The following NAF1 variants were observed in gnomAD, a reference collection of about 807,000 sequenced individuals.
The protein encoded by NAF1 is nuclear assembly factor 1 ribonucleoprotein, also known as H/ACA ribonucleoprotein complex non-core subunit NAF1.
A neutral mutation model predicts 40.6 loss-of-function variants in NAF1; 11 were observed. The ratio of observed to expected loss-of-function variants is 0.27; its 90% CI spans 0.17 to 0.45. The LOEUF (loss-of-function observed/expected upper bound fraction) is 0.45. Among genes scored for constraint, NAF1 ranks in the 20% least tolerant of loss-of-function variants. NAF1 has a pLI of 1.00. For missense variants in NAF1, 607 were observed against 611.1 expected (o/e 0.99, Z 0.07); for synonymous variants, 260 against 228.5 (o/e 1.14, Z -1.24).
rs1167198928 is a variant in NAF1 at position 163,129,324 on chromosome 4, T to C, written c.1058A>G (p.Gln353Arg). ...AGCAGAGCTATGAGCATTCCAATTC[T>C]GATGTACTTCAGTAAAATCTTCACC... ...EPGEDFTEVH[Q>R]NWNAHSSASE... is the part of the protein sequence containing the mutation. Residue 353 changes from glutamine (Q) to arginine (R), a missense_variant, in exon 8 of 8, where the codon CAG becomes CGG. By Grantham distance (43) the Gln-to-Arg change is conservative. Transcript: ENST00000274054. The C allele has an allele frequency of 6.2e-7, 1 of 1,611,296 alleles. No individual in the cohort carries two copies. The highest frequency in any genetic ancestry group is 8.5e-7 in the Non-Finnish European group (1 of 1,177,472).
At chr4:163,109,709 G>T (rs978363824), downstream of NAF1, among the ~76,000 whole-genome samples, 15 of 152,160 alleles carry the variant, frequency 9.9e-5, no homozygotes, top group Non-Finnish European at 2.1e-4. Context: ...AGGTCCCCAA[G>T]TGGCAAGGAG....
rs9784485 is a variant in NAF1, at chr4:163,134,500, G to A, written c.931-1244C>T. Among the ~76,000 whole-genome samples, 192 of 152,192 alleles carry A rather than the reference G, an allele frequency of 1.3e-3. 1 individual carries two copies. Among genetic ancestry groups the A allele is most frequent in the African/African-American group, 4.1e-3 (169 of 41,528 alleles). On this transcript the variant is annotated intron_variant, in intron 6 of 7. Transcript: ENST00000274054. ...AGATTTTAAAACTCAGGTTAAATCT[G>A]GTATCTGAAAGACACTAGAAAGTAT...
rs2111080851 is a variant in NAF1 at position 163,166,464 on chromosome 4, T to C, written c.264A>G (p.Glu88=). The part of the protein sequence containing the change: ...TPAPQPQPPA[E]SPACGDCVTS... ...TGACGCAGTCTCCGCAGGCCGGCGA[T>C]TCAGCCGGTGGCTGTGGCTGCGGCG... The change falls in exon 1 of 8, where the codon GAA becomes GAG. Residue 88 remains glutamate, a synonymous_variant. Coordinates refer to ENST00000274054, the MANE Select transcript of NAF1 (RefSeq NM_138386.3). 2.5e-6 allele frequency: 4 copies of C among 1,604,988 alleles called. No homozygotes were observed. Among genetic ancestry groups the C allele is most frequent in the Non-Finnish European group, 3.4e-6 (4 of 1,175,774 alleles).
downstream of NAF1, among the ~76,000 whole-genome samples, chr4:163,105,660 T>G (rs151251980): frequency 2.9e-3 from 435 of 152,314 alleles, 1 homozygote; most frequent in African/African-American, 0.01. Context: ...ATAAGCAAAA[T>G]TTCATCCCTA....
At chr4:163,151,414 T>C (rs1487947564) in intron 2 of NAF1, among the ~76,000 whole-genome samples, 2 of 152,032 alleles carry the variant, frequency 1.3e-5, no homozygotes, top group African/African-American at 4.8e-5. Context: ...AATTTTATTC[T>C]TGTATAAAAG....
downstream of NAF1, chr4:163,128,611 T>C (rs1036770467): frequency 8.7e-6 from 4 of 459,580 alleles, no homozygotes; most frequent in East Asian, 3.8e-4. Flanking sequence ...CATTACTATA[T>C]ATATATATAT....
intron 2 of NAF1, among the ~76,000 whole-genome samples, chr4:163,153,632 C>T (rs923134825): frequency 6.6e-6 from 1 of 152,152 alleles, no homozygotes; most frequent in Non-Finnish European, 1.5e-5. Flanking sequence ...TGTGTCAAAA[C>T]TCTGTATCTA....
At chr4:163,108,834 C>T (rs185500598), downstream of NAF1, 81 of 152,270 alleles carry the variant, frequency 5.3e-4, no homozygotes, top group African/African-American at 1.8e-3. Context: ...ATGCACCAGA[C>T]GAAAACATAT....
chr4:163,142,201 T>TATTA (rs1731288429), intron 4 of NAF1, among the ~76,000 whole-genome samples: 2 of 152,230 alleles, frequency 1.3e-5, no homozygotes, highest in Non-Finnish European at 2.9e-5. Context: ...ACATGACATA[T>TATTA]ATTATTGTAG....
At chr4:163,107,622 A>T (rs556700256), downstream of NAF1, among the ~76,000 whole-genome samples, 26 of 152,282 alleles carry the variant, frequency 1.7e-4, no homozygotes, top group South Asian at 8.3e-4. Flanking sequence ...CGACTATTTT[A>T]AAAAAATGGT....
At chr4:163,145,441 T>C (rs1381250821) in intron 4 of NAF1, among the ~76,000 whole-genome samples, 19 of 152,204 alleles carry the variant, frequency 1.2e-4, no homozygotes, top group Non-Finnish European at 1.5e-5. Context: ...GCTACTATAC[T>C]ATGGGAAGTC....
rs566781760 is a variant in NAF1 at position 163,147,347 on chromosome 4, T to C, written c.634+994A>G. On this transcript the variant is annotated intron_variant, in intron 3 of 7. Coordinates refer to ENST00000274054, the MANE Select transcript of NAF1 (RefSeq NM_138386.3). ...TGAATTTTTCTGTTTCCTCAGGTCC[T>C]GTGGAGGCTGGTGGGCAATCTAGGT... 3.3e-5 allele frequency among the ~76,000 whole-genome samples: 5 copies of C among 152,298 alleles called. No homozygotes were observed. In the South Asian group the frequency reaches 1.0e-3, roughly 32 times the overall value.
intron 2 of NAF1, among the ~76,000 whole-genome samples, chr4:163,118,376 T>C (rs1010421204): frequency 6.6e-6 from 1 of 152,228 alleles, no homozygotes; most frequent in African/African-American, 2.4e-5. Context: ...CAATAAAATG[T>C]CATGAATATT....
At chr4:163,144,847 AT>A (rs1200571884) in intron 4 of NAF1, among the ~76,000 whole-genome samples, 4 of 152,194 alleles carry the variant, frequency 2.6e-5, no homozygotes, top group South Asian at 4.1e-4. Flanking sequence ...TACAAAAAAA[AT>A]GTCTGTTTAG....
At chr4:163,108,594 T>C (rs1027921077), downstream of NAF1, among the ~76,000 whole-genome samples, 1 of 152,228 alleles carries the variant, frequency 6.6e-6, no homozygotes, top group African/African-American at 2.4e-5. Context: ...TCCATATTGG[T>C]TGATAAATCA....
At chr4:163,127,184 C>T (rs1430566705), downstream of NAF1, 2 of 1,506,910 alleles carry the variant, frequency 1.3e-6, no homozygotes, top group Non-Finnish European at 1.8e-6. Context: ...GGCTGGAGTG[C>T]AATGGTGTGA....
chr4:163,166,231 G>T, intron 1 of NAF1, 132 bp downstream of exon 1: 1 of 1,158,168 alleles, frequency 8.6e-7, no homozygotes, highest in Non-Finnish European at 1.2e-6. Context: ...TTCAACACGT[G>T]AGCCCGGAGC....
At chr4:163,124,184 T>C (rs1730588211), downstream of NAF1, among the ~76,000 whole-genome samples, 1 of 152,230 alleles carries the variant, frequency 6.6e-6, no homozygotes, top group Non-Finnish European at 1.5e-5. Context: ...AGCAAGACCC[T>C]GTCTCTAAAA....
downstream of NAF1, among the ~76,000 whole-genome samples, chr4:163,125,512 A>G (rs1249565132): frequency 1.3e-5 from 2 of 152,212 alleles, no homozygotes; most frequent in Non-Finnish European, 2.9e-5. Context: ...CCTAATCCAG[A>G]GCGGGCCCTA....
Sources: allele counts gnomAD v4.1 joint callset (sites outside exome capture counted in the v4.1 genomes callset), GRCh38; gene constraint gnomAD v4.1.1; transcripts MANE v1.5; gene names NCBI Gene and HGNC (gene_info 2026-07-23, HGNC 2026-07-21).